Variants in SH3BGRL2 observed in about 807,000 individuals in gnomAD.
The protein encoded by SH3BGRL2 is SH3 domain-binding glutamic acid-rich-like protein 2.
SH3BGRL2 carries 21 observed loss-of-function variants against 14.8 expected under a neutral mutation model. That is an observed-to-expected ratio of 1.42 (90% CI 1.01 to 2.05). The LOEUF is 2.05. SH3BGRL2 is among the 30% of genes most tolerant of loss of function. The pLI, the probability that SH3BGRL2 is intolerant of heterozygous loss-of-function variation, is 0.00. For missense variants in SH3BGRL2, 147 were observed against 130.8 expected (o/e 1.12, Z -0.61); for synonymous variants, 50 against 47.8 (o/e 1.05, Z -0.19).
chr6:79,677,881 C>T (rs887249462), intron 2 of SH3BGRL2, among the ~76,000 whole-genome samples: 2 of 152,122 alleles, frequency 1.3e-5, no homozygotes, highest in Non-Finnish European at 2.9e-5. Flanking sequence ...GGTAAAGGAG[C>T]CAACACTTTG....
upstream of SH3BGRL2, among the ~76,000 whole-genome samples, chr6:79,627,881 C>T (rs1051221011): frequency 3.3e-5 from 5 of 152,032 alleles, no homozygotes; most frequent in Admixed American, 6.6e-5. Flanking sequence ...TCACCCCCAG[C>T]CTAAAGGGAC....
At chr6:79,623,650 G>A in the SH3BGRL2 span, among the ~76,000 whole-genome samples, 1 of 152,156 alleles carries the variant, frequency 6.6e-6, no homozygotes, top group African/African-American at 2.4e-5. Flanking sequence ...TAATGTTAAG[G>A]TGTCTGGTTT....
the SH3BGRL2 span, among the ~76,000 whole-genome samples, chr6:79,563,319 G>A: frequency 6.0e-5 from 9 of 151,106 alleles, no homozygotes; most frequent in South Asian, 1.7e-3. Context: ...CACCATGTTG[G>A]TCAGGCTGGT....
At chr6:79,578,509 A>T in the SH3BGRL2 span, among the ~76,000 whole-genome samples, 3 of 152,212 alleles carry the variant, frequency 2.0e-5, no homozygotes, top group African/African-American at 7.2e-5. Context: ...GGAAAACAGC[A>T]TCCAGAGTGG....
At chr6:79,636,673 G>C (rs1768930002) in intron 1 of SH3BGRL2, among the ~76,000 whole-genome samples, 1 of 152,154 alleles carries the variant, frequency 6.6e-6, no homozygotes, top group Admixed American at 6.5e-5. Flanking sequence ...TTCCTTCTGA[G>C]GGCTGTGAGG....
chr6:79,660,558 T>C (rs1248337914), intron 1 of SH3BGRL2, among the ~76,000 whole-genome samples: 2 of 152,168 alleles, frequency 1.3e-5, no homozygotes, highest in African/African-American at 2.4e-5. Flanking sequence ...TTATTGAGGA[T>C]TTTTGCATCG....
chr6:79,633,652 A>C (rs1004461956), intron 1 of SH3BGRL2, among the ~76,000 whole-genome samples: 1 of 152,160 alleles, frequency 6.6e-6, no homozygotes, highest in Non-Finnish European at 1.5e-5. Flanking sequence ...TTGAAGACCC[A>C]GTCTTTTCAG....
At chr6:79,583,748 T>G in the SH3BGRL2 span, among the ~76,000 whole-genome samples, 1 of 152,258 alleles carries the variant, frequency 6.6e-6, no homozygotes, top group East Asian at 1.9e-4. Context: ...ACCTGCACGT[T>G]GTGCACCTGT....
chr6:79,546,113 G>A, the SH3BGRL2 span, among the ~76,000 whole-genome samples: 4 of 152,196 alleles, frequency 2.6e-5, no homozygotes, highest in African/African-American at 9.6e-5. Context: ...AATTTCACGT[G>A]TCTTGGTCTA....
chr6:79,659,767 A>G (rs1293879306), intron 1 of SH3BGRL2, among the ~76,000 whole-genome samples: 3 of 152,138 alleles, frequency 2.0e-5, no homozygotes, highest in Non-Finnish European at 4.4e-5. Context: ...CTTCCTATCC[A>G]TGAGCATGGA....
the SH3BGRL2 span, among the ~76,000 whole-genome samples, chr6:79,548,751 C>G: frequency 6.6e-6 from 1 of 152,172 alleles, no homozygotes; most frequent in Non-Finnish European, 1.5e-5. Flanking sequence ...GACATAATTA[C>G]TCCTCATCGT....
upstream of SH3BGRL2, among the ~76,000 whole-genome samples, chr6:79,629,743 G>A (rs1352930436): frequency 1.3e-5 from 2 of 152,134 alleles, no homozygotes; most frequent in Non-Finnish European, 2.9e-5. Context: ...TTAGTACAGT[G>A]TGTCTTGTTC....
chr6:79,632,759 A>G (rs1340388420), intron 1 of SH3BGRL2, among the ~76,000 whole-genome samples: 1 of 152,236 alleles, frequency 6.6e-6, no homozygotes, highest in East Asian at 1.9e-4. Flanking sequence ...GTTTCTAGCT[A>G]TTTGGGTTGC....
chr6:79,643,537 G>A (rs563533617), intron 1 of SH3BGRL2, among the ~76,000 whole-genome samples: 2 of 152,298 alleles, frequency 1.3e-5, no homozygotes, highest in East Asian at 3.9e-4. Flanking sequence ...GCTAAAAGGA[G>A]TATGATTTAA....
At chr6:79,692,576 G>A (rs113128487) in intron 2 of SH3BGRL2, among the ~76,000 whole-genome samples, 1 of 152,100 alleles carries the variant, frequency 6.6e-6, no homozygotes, top group Admixed American at 6.5e-5. Flanking sequence ...TCTACATATG[G>A]CTAGCCAGTT....
chr6:79,544,155 C>G, the SH3BGRL2 span, among the ~76,000 whole-genome samples: 1 of 152,060 alleles, frequency 6.6e-6, no homozygotes, highest in African/African-American at 2.4e-5. Flanking sequence ...ACACTAGAGA[C>G]AGAAATTAAA....
Position 79,703,381 on chromosome 6 carries a change from T to G in SH3BGRL2, c.*3872T>G, listed in dbSNP as rs1770505803. Reference sequence around the variant, plus strand: ...TTGAATTTTTAAAAAATTTCATACATGCAATGGAATATAGATATGTATATA... The same window carrying G: ...TTGAATTTTTAAAAAATTTCATACAGGCAATGGAATATAGATATGTATATA... On this transcript the variant is annotated 3_prime_UTR_variant, in exon 4 of 4. Coordinates refer to ENST00000369838, the MANE Select transcript of SH3BGRL2 (RefSeq NM_031469.4). 6.6e-6 allele frequency: 1 copy of G among 152,180 alleles called. No homozygotes were observed. Among genetic ancestry groups the G allele is most frequent in the Non-Finnish European group, 1.5e-5 (1 of 68,040 alleles). The allele number at this position is 152,180 out of a possible 1,614,324, so 9.4% of individuals were successfully genotyped here.
chr6:79,559,520 A>G, the SH3BGRL2 span, among the ~76,000 whole-genome samples: 3 of 152,346 alleles, frequency 2.0e-5, no homozygotes, highest in South Asian at 4.1e-4. Context: ...AAGAAAAACT[A>G]TGGAAATGTT....
the SH3BGRL2 span, among the ~76,000 whole-genome samples, chr6:79,621,309 G>A: frequency 1.3e-5 from 2 of 152,144 alleles, no homozygotes; most frequent in Non-Finnish European, 2.9e-5. Context: ...GTGTTAAGAG[G>A]TGGGGGCTTC....
Sources: gnomAD v4.1 joint callset for allele counts (sites outside exome capture counted in the v4.1 genomes callset) on GRCh38, gnomAD v4.1.1 for gene constraint, MANE v1.5 for transcripts, NCBI Gene and HGNC (gene_info 2026-07-23, HGNC 2026-07-21) for gene names.